GXYLT1: variants seen among roughly 807,000 people sequenced by gnomAD.
The protein encoded by GXYLT1 is glucoside xylosyltransferase 1, also known as glycosyltransferase 8 domain containing 3.
Under a neutral mutation model 54.0 loss-of-function variants are expected in GXYLT1, and 29 were observed. That is an observed-to-expected ratio of 0.54 (90% CI 0.40 to 0.73). The LOEUF (loss-of-function observed/expected upper bound fraction) is 0.73, where lower values mean the gene tolerates loss of function less well. Ranked by LOEUF, GXYLT1 falls within the 30% of genes least tolerant of loss-of-function variation. The pLI is 0.00. For missense variants in GXYLT1, 490 were observed against 553.4 expected, an observed-to-expected ratio of 0.89 and a Z score of 1.15; for synonymous variants, 176 against 204.1, an observed-to-expected ratio of 0.86 and a Z score of 1.17.
At chr12:42,136,271 T>C (rs1298296539) in intron 1 of GXYLT1, among the ~76,000 whole-genome samples, 1 of 152,206 alleles carries the variant, frequency 6.6e-6, no homozygotes, top group Non-Finnish European at 1.5e-5. Context: ...AAAGAAAAAT[T>C]AAAGTTTGAA....
intron 7 of GXYLT1, among the ~76,000 whole-genome samples, chr12:42,089,679 C>CCAGA (rs1565564285): frequency 6.6e-6 from 1 of 152,136 alleles, no homozygotes; most frequent in African/African-American, 2.4e-5. Flanking sequence ...TAATTAACCA[C>CCAGA]CAGACAGCAC....
intron 2 of GXYLT1, 139 bp downstream of exon 2, chr12:42,129,619 GA>G (rs1055911526): frequency 7.4e-5 from 39 of 525,010 alleles, no homozygotes; most frequent in Non-Finnish European, 1.1e-4. Flanking sequence ...TACAAAATGG[GA>G]AAAATAGAAA....
intron 1 of GXYLT1, among the ~76,000 whole-genome samples, chr12:42,138,057 CAGG>C (rs1269254029): frequency 1.3e-5 from 2 of 152,106 alleles, no homozygotes; most frequent in Non-Finnish European, 2.9e-5. Flanking sequence ...CACCTGAGGT[CAGG>C]AGTTCGGGAC....
chr12:42,125,208 G>T (rs2065553552), intron 2 of GXYLT1, among the ~76,000 whole-genome samples: 2 of 152,180 alleles, frequency 1.3e-5, no homozygotes, highest in Admixed American at 1.3e-4. Context: ...AAGGAGACAA[G>T]AAGAGTTAAT....
At chr12:42,132,684 C>G (rs977135758) in intron 1 of GXYLT1, among the ~76,000 whole-genome samples, 2 of 152,200 alleles carry the variant, frequency 1.3e-5, no homozygotes, top group Non-Finnish European at 2.9e-5. Flanking sequence ...ACACCTCAAA[C>G]TCCCTGTTCT....
Position 42,105,845 on chromosome 12 carries a change from C to G in GXYLT1, c.837G>C (p.Met279Ile), listed in dbSNP as rs1276398197. ...TGAAATACTTCCTTCTCATTCGAGT[C>G]ATGTTCATCAACATAACTCCAGAGT... The part of the protein sequence containing the change: ...GVNSGVMLMN[M>I]TRMRRKYFKN... Residue 279 changes from methionine (M) to isoleucine (I), a missense_variant, in exon 5 of 8, where the codon ATG (methionine) becomes ATC (isoleucine). Around this residue, in one of 2 missense-constraint regions of GXYLT1, gnomAD observed 342 missense variants for 342.6 expected, o/e 1.00. Transcript: ENST00000398675. 1 of 1,612,006 alleles carries G rather than the reference C, an allele frequency of 6.2e-7. No homozygotes were observed. Among genetic ancestry groups the G allele is most frequent in the Admixed American group, 1.7e-5 (1 of 59,926 alleles).
At chr12:42,131,674 G>C (rs1257703357) in intron 1 of GXYLT1, among the ~76,000 whole-genome samples, 5 of 152,150 alleles carry the variant, frequency 3.3e-5, no homozygotes, top group African/African-American at 1.2e-4. Context: ...TGTATGTATC[G>C]GTAAAACTTA....
chr12:42,142,791 T>G (rs2065659081), intron 1 of GXYLT1, among the ~76,000 whole-genome samples: 1 of 152,224 alleles, frequency 6.6e-6, no homozygotes, highest in East Asian at 1.9e-4. Flanking sequence ...GTTGTTCCCC[T>G]GCCCAAATGG....
At chr12:42,116,821 A>G (rs1268593222) in intron 3 of GXYLT1, among the ~76,000 whole-genome samples, 3 of 152,222 alleles carry the variant, frequency 2.0e-5, no homozygotes, top group Non-Finnish European at 4.4e-5. Flanking sequence ...ATAAAGACAC[A>G]TGCACATGTA....
chr12:42,139,890 G>C (rs1255027915), intron 1 of GXYLT1, among the ~76,000 whole-genome samples: 1 of 152,044 alleles, frequency 6.6e-6, no homozygotes, highest in East Asian at 1.9e-4. Flanking sequence ...CAGAAAAAAG[G>C]GGGGAAAAGG....
intron 1 of GXYLT1, among the ~76,000 whole-genome samples, chr12:42,136,669 T>C (rs2065620941): frequency 6.6e-6 from 1 of 152,122 alleles, no homozygotes; most frequent in South Asian, 2.1e-4. Context: ...GTTACATGTA[T>C]TTACATGTGA....
chr12:42,143,699 A>T (rs140741686), intron 1 of GXYLT1, among the ~76,000 whole-genome samples: 1 of 152,240 alleles, frequency 6.6e-6, no homozygotes, highest in Admixed American at 6.5e-5. Context: ...TTTCTATTTA[A>T]ATCTCATGTT....
intron 7 of GXYLT1, among the ~76,000 whole-genome samples, chr12:42,093,988 G>A (rs915300950): frequency 6.6e-6 from 1 of 151,986 alleles, no homozygotes; most frequent in Non-Finnish European, 1.5e-5. Context: ...CAGCATATGG[G>A]TGAATTATCC....
intron 7 of GXYLT1, among the ~76,000 whole-genome samples, chr12:42,089,938 G>A (rs373670913): frequency 2.0e-5 from 3 of 152,276 alleles, no homozygotes; most frequent in South Asian, 4.1e-4. Context: ...AAAATTATGG[G>A]AAGCCCAAAC....
chr12:42,089,070 C>T (rs950521577), intron 7 of GXYLT1, among the ~76,000 whole-genome samples: 1 of 151,790 alleles, frequency 6.6e-6, no homozygotes, highest in Non-Finnish European at 1.5e-5. Flanking sequence ...AACCATCACC[C>T]TTGGAGTGAT....
At chr12:42,136,751 TATACATACATAC>T (rs58827513) in intron 1 of GXYLT1, among the ~76,000 whole-genome samples, 7 of 147,370 alleles carry the variant, frequency 4.7e-5, no homozygotes, top group African/African-American at 1.0e-4. Flanking sequence ...GGAGGTTTTT[TATACATACATAC>T]ATACATACAT....
intron 2 of GXYLT1, among the ~76,000 whole-genome samples, chr12:42,126,773 A>C (rs1039455845): frequency 4.0e-5 from 6 of 151,806 alleles, no homozygotes; most frequent in South Asian, 4.2e-4. Flanking sequence ...GTCCCAGCTC[A>C]GGAGACTGAG....
intron 5 of GXYLT1, among the ~76,000 whole-genome samples, chr12:42,101,608 G>A (rs954210323): frequency 2.7e-5 from 4 of 150,298 alleles, no homozygotes; most frequent in Non-Finnish European, 4.4e-5. Context: ...GTCTCACTCT[G>A]TCGCCCAGGC....
At chr12:42,142,078 A>C (rs1289572846) in intron 1 of GXYLT1, among the ~76,000 whole-genome samples, 1 of 152,240 alleles carries the variant, frequency 6.6e-6, no homozygotes, top group Non-Finnish European at 1.5e-5. Flanking sequence ...GTTATCAAAA[A>C]AGGCAAAAAT....
Sources: gnomAD v4.1 joint callset for allele counts (sites outside exome capture counted in the v4.1 genomes callset) on GRCh38, gnomAD v4.1.1 for gene constraint, gnomAD v4.1.1 regional missense constraint, MANE v1.5 for transcripts, NCBI Gene and HGNC (gene_info 2026-07-23, HGNC 2026-07-21) for gene names.